HIVEP2: variants seen among roughly 807,000 people sequenced by gnomAD.
HIVEP2 encodes transcription factor HIVEP2.
In HIVEP2, 14 loss-of-function variants were observed where a neutral mutation model predicts 180.7. The ratio of observed to expected loss-of-function variants is 0.08; its 90% CI spans 0.05 to 0.12. The LOEUF is 0.12. Among genes scored for constraint, HIVEP2 ranks in the 10% least tolerant of loss-of-function variants. The probability of loss-of-function intolerance (pLI) is 1.00; values close to 1 mark genes in which losing one functional copy is unlikely to be tolerated. For synonymous variants in HIVEP2, 1,184 were observed against 1,136.4 expected, an observed-to-expected ratio of 1.04 and a Z score of -0.84; for missense variants, 2,579 against 3,008.5, an observed-to-expected ratio of 0.86 and a Z score of 3.34.
intron 1 of HIVEP2, among the ~76,000 whole-genome samples, chr6:142,910,901 A>G (rs1398156025): frequency 6.6e-6 from 1 of 152,202 alleles, no homozygotes; most frequent in Non-Finnish European, 1.5e-5. Flanking sequence ...ACCATCGTGC[A>G]TGATACAGCT....
chr6:142,770,440 G>T lies in HIVEP2; in HGVS notation c.4299C>A (p.Ala1433=), dbSNP rs1775497809. 2 of 1,614,028 alleles carry T rather than the reference G, an allele frequency of 1.2e-6. No individual in the cohort carries two copies. Among genetic ancestry groups the T allele is most frequent in the South Asian group, 2.2e-5 (2 of 91,088 alleles). ...GCATTCGCTTGCTACCTCCCAGGGT[G>T]GCCACGCTGTCAGAGGTGGAAGGTA... The part of the protein sequence containing the change: ...LCLPSTSDSV[A]TLGGSKRMLS... The change falls in exon 5 of 10, where the codon GCC becomes GCA. Residue 1433 remains alanine, a synonymous_variant. Transcript: ENST00000367603. The surrounding 1 kb of genome is among the most constrained non-coding windows in gnomAD (Gnocchi z 4.7).
chr6:142,855,786 T>C (rs1775803792), intron 1 of HIVEP2, among the ~76,000 whole-genome samples: 1 of 152,220 alleles, frequency 6.6e-6, no homozygotes, highest in Non-Finnish European at 1.5e-5. Context: ...GCTTTACTGG[T>C]ATGAAAGTGT....
intron 1 of HIVEP2, among the ~76,000 whole-genome samples, chr6:142,939,584 T>G (rs1036600694): frequency 6.6e-6 from 1 of 152,124 alleles, no homozygotes; most frequent in Non-Finnish European, 1.5e-5. Context: ...CTACTTAACA[T>G]TCAAGATCCT....
chr6:142,901,535 T>G (rs1389831113), intron 1 of HIVEP2, among the ~76,000 whole-genome samples: 1 of 152,178 alleles, frequency 6.6e-6, no homozygotes, highest in Non-Finnish European at 1.5e-5. Flanking sequence ...AACAAAGTAA[T>G]TTCCTAGCAC....
Position 142,759,260 on chromosome 6 carries a change from G to A in HIVEP2, c.6516+512C>T, listed in dbSNP as rs139388801. Among the ~76,000 whole-genome samples, 563 of 152,172 alleles carry A rather than the reference G, an allele frequency of 3.7e-3. 2 individuals are homozygous for A. The highest frequency in any genetic ancestry group is 7.0e-3 in the Non-Finnish European group (473 of 68,004). Reference sequence around the variant, plus strand: ...GGAGGTTGTAGTGAGCCAAAGTCGTGCCACTGCACTCCAGCCTGGGTGAAA... The same window carrying A: ...GGAGGTTGTAGTGAGCCAAAGTCGTACCACTGCACTCCAGCCTGGGTGAAA... On this transcript the variant is annotated intron_variant, in intron 9 of 9. Transcript: ENST00000367603.
chr6:142,852,888 CA>C (rs1305397798), intron 1 of HIVEP2, among the ~76,000 whole-genome samples: 1 of 152,180 alleles, frequency 6.6e-6, no homozygotes, highest in Non-Finnish European at 1.5e-5. Flanking sequence ...AAATGATAAA[CA>C]TTCCTATCTT....
intron 2 of HIVEP2, among the ~76,000 whole-genome samples, chr6:142,806,519 T>A (rs933504649): frequency 1.3e-5 from 2 of 152,192 alleles, no homozygotes; most frequent in Admixed American, 1.3e-4. Flanking sequence ...AGATCACTAT[T>A]TTCACAAATC....
chr6:142,767,194 C>T (rs1317971076), intron 6 of HIVEP2, among the ~76,000 whole-genome samples: 1 of 152,166 alleles, frequency 6.6e-6, no homozygotes, highest in Admixed American at 6.5e-5. Flanking sequence ...GCTATGAAGG[C>T]TGCTGAATGT....
At chr6:142,809,868 A>G (rs1776646052) in intron 2 of HIVEP2, among the ~76,000 whole-genome samples, 1 of 152,194 alleles carries the variant, frequency 6.6e-6, no homozygotes, top group South Asian at 2.1e-4. Context: ...TGCTGAGATT[A>G]CAGGCATGAG....
intron 2 of HIVEP2, chr6:142,788,113 A>G (rs868793858): frequency 2.0e-5 from 3 of 152,224 alleles, no homozygotes; most frequent in South Asian, 2.1e-4. Flanking sequence ...AAAAAAGCAG[A>G]TACATGTGCA....
chr6:142,914,706 A>G (rs981608528), intron 1 of HIVEP2, among the ~76,000 whole-genome samples: 10 of 152,204 alleles, frequency 6.6e-5, no homozygotes, highest in Non-Finnish European at 2.9e-5. Flanking sequence ...ACCCAGCCTT[A>G]CTCATGCCAA....
intron 1 of HIVEP2, among the ~76,000 whole-genome samples, chr6:142,926,704 T>A (rs2128436886): frequency 6.6e-6 from 1 of 152,228 alleles, no homozygotes; most frequent in Non-Finnish European, 1.5e-5. Context: ...ACCCCCGGGC[T>A]TTTCCGCACC....
At chr6:142,842,788 C>G (rs1488312963) in intron 1 of HIVEP2, among the ~76,000 whole-genome samples, 1 of 151,116 alleles carries the variant, frequency 6.6e-6, no homozygotes, top group Admixed American at 6.6e-5. Flanking sequence ...CTTTCTGCTT[C>G]TTAGTATAAG....
intron 1 of HIVEP2, among the ~76,000 whole-genome samples, chr6:142,927,244 T>A (rs1356833905): frequency 6.6e-6 from 1 of 152,156 alleles, no homozygotes; most frequent in African/African-American, 2.4e-5. Flanking sequence ...GGCGTGCGTT[T>A]CCAGGTGTTT....
chr6:142,889,597 CAAT>C lies in HIVEP2; in HGVS notation c.-640-52553_-640-52551del, dbSNP rs566604535. 3.4e-3 allele frequency among the ~76,000 whole-genome samples: 517 copies of C among 152,262 alleles called. 3 individuals carry two copies. The highest frequency in any genetic ancestry group is 0.012 in the African/African-American group (490 of 41,548). ...AACAATAGTCTTATCAAATCTTAGG[CAAT>C]TACATAACCTCTCTGAACCTTAGGT... On this transcript the variant is annotated intron_variant, in intron 1 of 9. Transcript: ENST00000367603.
chr6:142,892,218 A>G (rs1241178764), intron 1 of HIVEP2, among the ~76,000 whole-genome samples: 2 of 152,224 alleles, frequency 1.3e-5, no homozygotes, highest in African/African-American at 4.8e-5. Flanking sequence ...ACCCAGGTCC[A>G]GGAACAGGGT....
At chr6:142,903,384 A>C (rs1777179108) in intron 1 of HIVEP2, among the ~76,000 whole-genome samples, 1 of 152,212 alleles carries the variant, frequency 6.6e-6, no homozygotes, top group Non-Finnish European at 1.5e-5. Flanking sequence ...AGTGTCCTGG[A>C]CTTGGACTTC....
chr6:142,848,826 A>G (rs1007715517), intron 1 of HIVEP2, among the ~76,000 whole-genome samples: 7 of 152,180 alleles, frequency 4.6e-5, no homozygotes, highest in South Asian at 2.1e-4. Context: ...CTGCCATTCC[A>G]TGAACTGATC....
intron 9 of HIVEP2, among the ~76,000 whole-genome samples, chr6:142,756,962 T>C (rs1002007159): frequency 6.6e-6 from 1 of 152,164 alleles, no homozygotes. Flanking sequence ...AGTGGGGTAA[T>C]AGAACTGGTA....
Sources: gnomAD v4.1 joint callset for allele counts (sites outside exome capture counted in the v4.1 genomes callset) on GRCh38, gnomAD v4.1.1 for gene constraint, Gnocchi (gnomAD v3.1) non-coding constraint, MANE v1.5 for transcripts, NCBI Gene and HGNC (gene_info 2026-07-23, HGNC 2026-07-21) for gene names.